The following DHX36 variants were observed in gnomAD, a reference collection of about 807,000 sequenced individuals.
DHX36 encodes DEAH-box helicase 36.
DHX36 carries 50 observed loss-of-function variants against 139.0 expected under a neutral mutation model. The observed-to-expected ratio is 0.36, with a 90% CI of 0.29 to 0.46. The LOEUF (loss-of-function observed/expected upper bound fraction) is 0.46. Among genes scored for constraint, DHX36 ranks in the 20% least tolerant of loss-of-function variants. The probability of loss-of-function intolerance (pLI) is 1.00; values close to 1 mark genes in which losing one functional copy is unlikely to be tolerated. For synonymous variants in DHX36, 425 were observed against 401.9 expected (o/e 1.06, Z -0.69); for missense variants, 1,024 against 1,211.3 (o/e 0.85, Z 2.29).
Position 154,276,871 on chromosome 3 carries a change from G to T in DHX36, c.2717C>A (p.Ser906Tyr). ...TCCAAAAAACAAGAGACAGTATGGG[G>T]AAACCTCTGTGCAGTCATACAAGTA... ...SIYLYDCTEV[S>Y]PYCLLFFGGD... The change falls in exon 24 of 25, where the codon TCC becomes TAC. Residue 906 changes from serine (S) to tyrosine (Y), a missense_variant. Physicochemically the swap from Ser to Tyr is moderately radical, Grantham distance 144. Around this residue, in one of 4 missense-constraint regions of DHX36, gnomAD observed 470 missense variants for 616.2 expected, o/e 0.76. Transcript: ENST00000496811. The T allele has an allele frequency of 6.2e-7, 1 of 1,613,664 alleles. No individual in the cohort carries two copies. Among genetic ancestry groups the T allele is most frequent in the Non-Finnish European group, 8.5e-7 (1 of 1,179,818 alleles).
chr3:154,300,353 C>T (rs1343594442), intron 11 of DHX36, among the ~76,000 whole-genome samples: 1 of 152,192 alleles, frequency 6.6e-6, no homozygotes, highest in Non-Finnish European at 1.5e-5. Flanking sequence ...CAGGCATGAG[C>T]CACTGCATCC....
Position 154,277,099 on chromosome 3 carries a change from T to C in DHX36, c.2689-200A>G, listed in dbSNP as rs189113801. 9.2e-4 allele frequency among the ~76,000 whole-genome samples: 140 copies of C among 152,312 alleles called. 1 individual carries two copies. The highest frequency in any genetic ancestry group is 2.7e-3 in the South Asian group (13 of 4,824). On this transcript the variant is annotated intron_variant, in intron 23 of 24. Transcript: ENST00000496811. The stretch of plus-strand genomic sequence containing the variant: ...TTCAGAGAACATAGGTATTTTAATA[T>C]TTTTTAGTTTAAACTAAGCACTACT...
chr3:154,296,604 A>G (rs553308907), intron 12 of DHX36, among the ~76,000 whole-genome samples: 1 of 152,356 alleles, frequency 6.6e-6, no homozygotes, highest in South Asian at 2.1e-4. Flanking sequence ...ATTCACAATT[A>G]TTAGCCAACA....
intron 5 of DHX36, among the ~76,000 whole-genome samples, chr3:154,308,199 T>C (rs1467252381): frequency 1.3e-5 from 2 of 152,194 alleles, no homozygotes; most frequent in Non-Finnish European, 2.9e-5. Context: ...AAATTGCACT[T>C]GTATCCCATA....
chr3:154,309,779 A>C lies in DHX36; in HGVS notation c.687T>G (p.Ser229Arg), dbSNP rs747851403. The C allele has an allele frequency of 6.2e-7, 1 of 1,612,004 alleles. No individual in the cohort carries two copies. Among genetic ancestry groups the C allele is most frequent in the East Asian group, 2.2e-5 (1 of 44,708 alleles). Residue 229 changes from serine (S) to arginine (R), a missense_variant, in exon 5 of 25, where the codon AGT becomes AGG. Physicochemically the swap from Ser to Arg is moderately radical, Grantham distance 110. Transcript: ENST00000496811. ...TGGTTTTGCCACAACCAGTTTCACCACTTATTACTGTTACCTGATGGTTAT... is the reference window on the plus strand; with the variant it reads ...TGGTTTTGCCACAACCAGTTTCACCCCTTATTACTGTTACCTGATGGTTAT... The part of the protein sequence containing the change: ...LIDNHQVTVI[S>R]GETGCGKTTQ...
chr3:154,276,428 A>AT (rs1307504492), intron 24 of DHX36, 72 bp from the exon 25 acceptor site: 1 of 1,370,192 alleles, frequency 7.3e-7, no homozygotes. Context: ...AATGAAACTA[A>AT]TTTACCTGAT....
At chr3:154,315,365 G>T in intron 2 of DHX36, 85 bp from the exon 3 acceptor site, 1 of 920,388 alleles carries the variant, frequency 1.1e-6, no homozygotes. Flanking sequence ...ATACGCTGTT[G>T]AAATATTTCA....
At chr3:154,310,378 T>A (rs1274960882) in intron 4 of DHX36, among the ~76,000 whole-genome samples, 1 of 152,170 alleles carries the variant, frequency 6.6e-6, no homozygotes, top group Admixed American at 6.5e-5. Flanking sequence ...ACATTAATAT[T>A]TTTAATAATA....
intron 22 of DHX36, chr3:154,278,477 G>GA (rs1204572126): frequency 7.2e-6 from 1 of 139,530 alleles, no homozygotes; most frequent in Non-Finnish European, 1.6e-5. Flanking sequence ...CTCTTTCGAA[G>GA]TTTTTTTTTT....
chr3:154,319,137 A>G (rs1408542913), intron 1 of DHX36: 1 of 151,858 alleles, frequency 6.6e-6, no homozygotes, highest in African/African-American at 2.4e-5. Flanking sequence ...CCCCTCAACA[A>G]CCTTCTTCTA....
chr3:154,277,646 GTC>G lies in DHX36; in HGVS notation c.2638_2639del (p.Asp880LeufsTer21), dbSNP rs1719192654. On this transcript the variant is annotated frameshift_variant, in exon 23 of 25. Transcript: ENST00000496811. LOFTEE classifies it high-confidence loss of function. ...HPKSVNVEQT[D>X]FHYNWLIYHL... The stretch of plus-strand genomic sequence containing the variant: ...GATAGATAAGCCAGTTGTAGTGAAA[GTC>G]TGTTTGCTCCACATTAACAGATTTA... The G allele has an allele frequency of 1.7e-5, 27 of 1,612,352 alleles. No homozygotes were observed. Among genetic ancestry groups the G allele is most frequent in the Non-Finnish European group, 2.2e-5 (26 of 1,178,938 alleles).
chr3:154,280,536 A>G, intron 22 of DHX36, 43 bp downstream of exon 22: 2 of 1,414,638 alleles, frequency 1.4e-6, no homozygotes, highest in African/African-American at 1.4e-5. Flanking sequence ...CAAAAGTTTA[A>G]GAAGAGAATT....
Position 154,316,041 on chromosome 3 carries a change from A to G in DHX36, c.366T>C (p.His122=). 6.2e-7 allele frequency: 1 copy of G among 1,612,510 alleles called. No individual in the cohort carries two copies. The highest frequency in any genetic ancestry group is 8.5e-7 in the Non-Finnish European group (1 of 1,179,276). ...AQISWFAPED[H]GYGTEVSTKN... Reference sequence around the variant, plus strand: ...TAAAAAAATATTTCTTGTCGTACCCATGATCCTCAGGAGCAAACCAGGATA... The same window carrying G: ...TAAAAAAATATTTCTTGTCGTACCCGTGATCCTCAGGAGCAAACCAGGATA... Residue 122 remains histidine, a splice_region_variant and synonymous_variant, in exon 2 of 25, where the codon CAT becomes CAC. Transcript: ENST00000496811.
intron 1 of DHX36, among the ~76,000 whole-genome samples, chr3:154,318,039 T>A (rs1291736593): frequency 1.3e-5 from 2 of 152,116 alleles, no homozygotes; most frequent in Non-Finnish European, 2.9e-5. Context: ...TAGAGGAGTA[T>A]GTGTCCCAGG....
chr3:154,289,965 ATTTTTTCC>A, intron 15 of DHX36, 139 bp from the exon 16 acceptor site: 1 of 554,246 alleles, frequency 1.8e-6, no homozygotes, highest in African/African-American at 1.9e-5. Context: ...GTACGTAATT[ATTTTTTCC>A]TTTTTATGAA....
Position 154,324,250 on chromosome 3 carries a change from T to G in DHX36, c.167A>C (p.His56Pro). The G allele has an allele frequency of 6.2e-7, 1 of 1,613,600 alleles. No individual in the cohort carries two copies. ...CATGCCGATTTCGCGGCCTTTCAGG[T>G]GCCCGGGATGCCGGCCCCTGCCGCC... ...GRGGRGRHPG[H>P]LKGREIGMWY... The change falls in exon 1 of 25, where the codon CAC becomes CCC. Residue 56 changes from histidine (H) to proline (P), a missense_variant. Physicochemically the swap from His to Pro is moderately conservative, Grantham distance 77. Transcript: ENST00000496811.
In DHX36 at chr3:154,284,952, A is replaced by G. The variant is rs540309504; in HGVS notation, c.2067T>C (p.Leu689=). ...ALDKQEELTP[L]GVHLARLPVE... ...CGGGTAATCGTGCCAAGTGGACTCC[A>G]AGAGGTGTCAATTCTTCTTGTTTAT... Residue 689 remains leucine (L), a synonymous_variant, in exon 18 of 25, where the codon CTT becomes CTC. Transcript: ENST00000496811. The G allele has an allele frequency of 1.9e-6, 3 of 1,614,188 alleles. No individual in the cohort carries two copies. Among genetic ancestry groups the G allele is most frequent in the Admixed American group, 3.3e-5 (2 of 60,026 alleles).
intron 9 of DHX36, among the ~76,000 whole-genome samples, chr3:154,302,242 A>G (rs998709282): frequency 2.0e-5 from 3 of 152,174 alleles, no homozygotes; most frequent in African/African-American, 7.2e-5. Context: ...AAGTTCCCAG[A>G]GTTTGTGTGT....
chr3:154,312,877 ATATATATATATATATATATATAT>A lies in DHX36; in HGVS notation c.604-1226_604-1204del, dbSNP rs1559958734. Among the ~76,000 whole-genome samples the A allele has an allele frequency of 2.9e-4, 33 of 113,010 alleles. 1 individual carries two copies. Among genetic ancestry groups the A allele is most frequent in the Non-Finnish European group, 5.0e-4 (28 of 55,648 alleles). The allele number at this position is 113,010 out of a possible 152,430, so 74.1% of individuals were successfully genotyped here. ...AATATATATATATATATATATATAT[ATATATATATATATATATATATAT>A]AAAATAAATAAAGAACTGTCTTTGG... On this transcript the variant is annotated intron_variant, in intron 3 of 24. Transcript: ENST00000496811.
Sources: gnomAD v4.1 joint callset for allele counts (sites outside exome capture counted in the v4.1 genomes callset) on GRCh38, gnomAD v4.1.1 for gene constraint, gnomAD v4.1.1 regional missense constraint, MANE v1.5 for transcripts, NCBI Gene and HGNC (gene_info 2026-07-23, HGNC 2026-07-21) for gene names.